Variants in TAF1 observed in about 807,000 individuals in gnomAD.
TAF1 encodes the protein transcription initiation factor TFIID subunit 1.
Under a neutral mutation model 138.5 loss-of-function variants are expected in TAF1, and 2 were observed. The observed-to-expected ratio is 0.01, with a 90% CI of 0.01 to 0.05. TAF1 has a LOEUF of 0.05. Ranked by LOEUF, TAF1 falls within the 10% of genes least tolerant of loss-of-function variation. The probability of loss-of-function intolerance (pLI) is 1.00; values close to 1 mark genes in which losing one functional copy is unlikely to be tolerated. For synonymous variants in TAF1, 437 were observed against 503.2 expected (o/e 0.87, Z 1.76); for missense variants, 709 against 1,478.0 (o/e 0.48, Z 8.53).
At chrX:71,475,595 AAAAAAG>A (rs1428178120) in intron 13 of TAF1, among the ~76,000 whole-genome samples, 19 of 108,860 alleles carry the variant, frequency 1.7e-4, no homozygotes, top group African/African-American at 6.2e-4. Flanking sequence ...AAAAAAAAAA[AAAAAAG>A]AAAAAGAAAA....
intron 4 of TAF1, 150 bp from the exon 5 acceptor site, chrX:71,376,800 T>A: frequency 1.3e-6 from 1 of 796,661 alleles, no homozygotes; most frequent in South Asian, 2.8e-5. Context: ...GAATGAGTTT[T>A]CTGGGTTGCA....
downstream of TAF1, among the ~76,000 whole-genome samples, chrX:71,467,600 CA>C (rs1391431507): frequency 9.0e-6 from 1 of 111,489 alleles, no homozygotes; most frequent in Non-Finnish European, 1.9e-5. Flanking sequence ...TAGGTTTAAC[CA>C]TATGAAAAAC....
At chrX:71,484,980 CAACA>C (rs766170016) in intron 13 of TAF1, 1 of 111,893 alleles carries the variant, frequency 8.9e-6, no homozygotes, top group Non-Finnish European at 1.9e-5. Flanking sequence ...ACCCTCAGTC[CAACA>C]GTCCACAAGG....
chrX:71,387,519 C>G (rs2034298028), intron 15 of TAF1, 58 bp downstream of exon 15: 2 of 1,167,636 alleles, frequency 1.7e-6, no homozygotes, highest in African/African-American at 1.8e-5. Flanking sequence ...TATGTTGGGG[C>G]CGGGCATGGC....
chrX:71,386,804 A>G (rs1258758000), intron 14 of TAF1, among the ~76,000 whole-genome samples: 1 of 112,991 alleles, frequency 8.9e-6, no homozygotes, highest in Non-Finnish European at 1.9e-5. Context: ...TTATTCAACA[A>G]ATGTTGCTCT....
intron 7 of TAF1, 61 bp downstream of exon 7, chrX:71,378,514 A>G: frequency 8.7e-7 from 1 of 1,152,661 alleles, no homozygotes; most frequent in East Asian, 3.0e-5. Flanking sequence ...ACTTTTACTA[A>G]CTTTACTCTT....
chrX:71,453,886 C>T (rs1415474538), intron 32 of TAF1, among the ~76,000 whole-genome samples: 1 of 111,303 alleles, frequency 9.0e-6, no homozygotes, highest in Non-Finnish European at 1.9e-5. Flanking sequence ...CTGGAATTTG[C>T]TTCAAAACAA....
intron 13 of TAF1, among the ~76,000 whole-genome samples, chrX:71,474,371 A>G (rs2038943244): frequency 9.0e-6 from 1 of 111,502 alleles, no homozygotes; most frequent in African/African-American, 3.3e-5. Flanking sequence ...AGGCTTGGGG[A>G]AAAAGCACCT....
intron 13 of TAF1, among the ~76,000 whole-genome samples, chrX:71,525,417 T>C (rs2039983773): frequency 8.9e-6 from 1 of 112,112 alleles, no homozygotes; most frequent in African/African-American, 3.2e-5. Flanking sequence ...GAATTACATG[T>C]TTTTTGTGAG....
At chrX:71,445,085 C>T (rs1294100867) in intron 32 of TAF1, among the ~76,000 whole-genome samples, 3 of 109,274 alleles carry the variant, frequency 2.7e-5, no homozygotes, top group African/African-American at 1.0e-4. Flanking sequence ...TGCTTCAGGT[C>T]AGGAGTTTGA....
chrX:71,402,751 C>T (rs765347009), intron 25 of TAF1, among the ~76,000 whole-genome samples: 1 of 111,815 alleles, frequency 8.9e-6, no homozygotes, highest in Admixed American at 9.6e-5. Context: ...TAATTGTTAA[C>T]GTTTTGTCAC....
chrX:71,382,630 G>T lies in TAF1; in HGVS notation c.1632G>T (p.Gly544=). Residue 544 remains glycine, a synonymous_variant, in exon 10 of 38, where the codon GGG becomes GGT. Transcript: ENST00000423759. ...SSLKKSRILL[G]KTGVIKEEPQ... Reference sequence around the variant, plus strand: ...TGAAGAAGAGTCGAATTCTCTTAGGGAAAACAGGAGTCATCAAGGAGGAAC... The same window carrying T: ...TGAAGAAGAGTCGAATTCTCTTAGGTAAAACAGGAGTCATCAAGGAGGAAC... 1.7e-6 allele frequency: 2 copies of T among 1,211,254 alleles called. No homozygotes were observed. The highest frequency in any genetic ancestry group is 2.2e-6 in the Non-Finnish European group (2 of 895,399).
Position 71,477,297 on chromosome X carries a change from AT to A in TAF1, c.1366+16505del, listed in dbSNP as rs1235994134. Among the ~76,000 whole-genome samples, 14 of 106,365 alleles carry A rather than the reference AT, an allele frequency of 1.3e-4. 1 individual carries two copies. The highest frequency in any genetic ancestry group is 1.2e-3 in the South Asian group (3 of 2,458). 92.4% of individuals were successfully genotyped at this position (106,365 alleles called of 115,157 possible). On this transcript the variant is annotated intron_variant and NMD_transcript_variant, in intron 13 of 14. Transcript: ENST00000373775. ...AATTTAAAAAATTTTTTTAATTTTAATTTTTTTTTTTGAGACAGAGTCTCAC... is the reference window on the plus strand; with the variant it reads ...AATTTAAAAAATTTTTTTAATTTTAATTTTTTTTTTGAGACAGAGTCTCAC...
intron 13 of TAF1, among the ~76,000 whole-genome samples, chrX:71,482,575 G>A (rs1204481709): frequency 1.8e-4 from 20 of 112,369 alleles, no homozygotes; most frequent in Admixed American, 1.7e-3. Flanking sequence ...GCAATAGCAC[G>A]TCTAAAAATA....
intron 28 of TAF1, among the ~76,000 whole-genome samples, chrX:71,410,322 G>A (rs768868781): frequency 1.8e-4 from 20 of 109,504 alleles, no homozygotes; most frequent in African/African-American, 5.6e-4. Context: ...ATGATGAGGT[G>A]ATGGGTTGAT....
intron 32 of TAF1, among the ~76,000 whole-genome samples, chrX:71,430,350 C>G (rs917835099): frequency 9.7e-6 from 1 of 102,798 alleles, no homozygotes; most frequent in Non-Finnish European, 2.0e-5. Flanking sequence ...TGCTACTGCA[C>G]TCCAGCCTGG....
chrX:71,381,593 A>G (rs754123303), intron 8 of TAF1, 150 bp from the exon 9 acceptor site: 5 of 563,416 alleles, frequency 8.9e-6, no homozygotes, highest in Middle Eastern at 5.7e-4. Context: ...TGAGAAATAC[A>G]CTGTGTAGGT....
intron 7 of TAF1, 33 bp from the exon 8 acceptor site, chrX:71,378,791 C>T (rs1449312137): frequency 8.4e-7 from 1 of 1,185,368 alleles, no homozygotes; most frequent in Non-Finnish European, 1.1e-6. Flanking sequence ...AGTGACCAAT[C>T]AAGGATGTGT....
At chrX:71,509,264 C>T (rs2039691096) in intron 13 of TAF1, among the ~76,000 whole-genome samples, 1 of 111,727 alleles carries the variant, frequency 9.0e-6, no homozygotes. Flanking sequence ...GGCAGGGAGA[C>T]TAATAAGAAG....
Sources: allele counts gnomAD v4.1 joint callset (sites outside exome capture counted in the v4.1 genomes callset), GRCh38; gene constraint gnomAD v4.1.1; transcripts MANE v1.5; gene names NCBI Gene and HGNC (gene_info 2026-07-23, HGNC 2026-07-21).